Variants in LRRC37A2 observed in about 807,000 individuals in gnomAD.
LRRC37A2 encodes the protein leucine rich repeat containing 37 member A2.
A neutral mutation model predicts 68.8 loss-of-function variants in LRRC37A2; 9 were observed. That is an observed-to-expected ratio of 0.13 (90% CI 0.08 to 0.23). The LOEUF is 0.23. LRRC37A2 is among the 10% of genes least tolerant of loss of function. LRRC37A2 has a pLI of 1.00. For synonymous variants in LRRC37A2, 63 were observed against 367.6 expected (o/e 0.17, Z 9.48); for missense variants, 168 against 950.4 (o/e 0.18, Z 10.82).
the LRRC37A2 span, among the ~76,000 whole-genome samples, chr17:46,870,038 A>G: frequency 6.6e-6 from 1 of 152,174 alleles, no homozygotes; most frequent in African/African-American, 2.4e-5. Context: ...CATATGACAT[A>G]TACTGTAGCT....
At chr17:46,691,725 G>A in the LRRC37A2 span, among the ~76,000 whole-genome samples, 1 of 151,582 alleles carries the variant, frequency 6.6e-6, no homozygotes, top group Admixed American at 6.6e-5. Flanking sequence ...TTTAGGTTAT[G>A]TTCATTTTTT....
the LRRC37A2 span, chr17:46,966,899 G>T: frequency 2.5e-6 from 1 of 396,872 alleles, no homozygotes; most frequent in Non-Finnish European, 4.4e-6. Context: ...CACCTTAAAG[G>T]GAAATCATTT....
the LRRC37A2 span, chr17:46,932,101 C>T: frequency 1.9e-6 from 3 of 1,613,430 alleles, no homozygotes; most frequent in Non-Finnish European, 2.5e-6. Context: ...TGTCCAGCAC[C>T]TGCAGACTGC....
the LRRC37A2 span, among the ~76,000 whole-genome samples, chr17:46,485,977 CAA>C: frequency 2.1e-3 from 75 of 35,754 alleles, 1 homozygote; most frequent in Non-Finnish European, 4.1e-3. Context: ...GACTCCGTCT[CAA>C]AAAAAAAAAA....
chr17:46,942,548 G>A, the LRRC37A2 span, among the ~76,000 whole-genome samples: 7 of 152,200 alleles, frequency 4.6e-5, no homozygotes, highest in African/African-American at 1.4e-4. Context: ...GTGTGCAGGG[G>A]ACTGAGATGG....
the LRRC37A2 span, among the ~76,000 whole-genome samples, chr17:46,757,763 G>A: frequency 6.6e-6 from 1 of 152,028 alleles, no homozygotes. Flanking sequence ...GGAGGCTGAG[G>A]TGGGTGGATC....
At chr17:46,728,875 C>A in the LRRC37A2 span, 2 of 1,608,704 alleles carry the variant, frequency 1.2e-6, no homozygotes, top group East Asian at 2.2e-5. Flanking sequence ...TATTGGCCCT[C>A]GATTTTCAAA....
the LRRC37A2 span, among the ~76,000 whole-genome samples, chr17:46,880,492 C>G: frequency 6.6e-6 from 1 of 152,202 alleles, no homozygotes; most frequent in Non-Finnish European, 1.5e-5. Context: ...AAGTCTCTGC[C>G]TCATGGGGCT....
chr17:46,919,220 TC>T, the LRRC37A2 span, among the ~76,000 whole-genome samples: 2 of 152,190 alleles, frequency 1.3e-5, no homozygotes, highest in African/African-American at 4.8e-5. Context: ...ATGGACTAAG[TC>T]AAGTGGACTC....
the LRRC37A2 span, among the ~76,000 whole-genome samples, chr17:46,835,549 T>C: frequency 1.3e-5 from 2 of 152,276 alleles, no homozygotes; most frequent in Admixed American, 1.3e-4. Context: ...CATGAGTTAA[T>C]CTCTTAGGTC....
chr17:46,970,268 C>T, the LRRC37A2 span, among the ~76,000 whole-genome samples: 2 of 152,138 alleles, frequency 1.3e-5, no homozygotes, highest in African/African-American at 2.4e-5. Context: ...AGACCAGCCG[C>T]GGTGGCTCAC....
the LRRC37A2 span, among the ~76,000 whole-genome samples, chr17:46,751,953 CAGTG>C: frequency 1.4e-4 from 21 of 152,184 alleles, no homozygotes; most frequent in African/African-American, 5.1e-4. Context: ...CACAGGCTGT[CAGTG>C]AATTATCCAA....
chr17:46,751,530 C>T, the LRRC37A2 span: 7 of 1,613,882 alleles, frequency 4.3e-6, no homozygotes, highest in African/African-American at 2.7e-5. Context: ...GGATAAGGAA[C>T]GCACCACAAT....
the LRRC37A2 span, among the ~76,000 whole-genome samples, chr17:46,784,913 C>T: frequency 3.9e-5 from 6 of 152,016 alleles, no homozygotes; most frequent in South Asian, 1.0e-3. Flanking sequence ...GTAGCTGGGA[C>T]TACAGGCACC....
At chr17:46,944,017 G>C in the LRRC37A2 span, among the ~76,000 whole-genome samples, 7 of 152,232 alleles carry the variant, frequency 4.6e-5, no homozygotes, top group East Asian at 1.2e-3. Flanking sequence ...AATTCCATTA[G>C]TGTGGTTCCA....
the LRRC37A2 span, among the ~76,000 whole-genome samples, chr17:46,777,311 G>A: frequency 9.4e-4 from 143 of 152,384 alleles, 2 homozygotes; most frequent in Middle Eastern, 0.024. Flanking sequence ...CGGCTGGCTT[G>A]GGGGACTGAG....
chr17:46,681,614 A>G, the LRRC37A2 span, among the ~76,000 whole-genome samples: 133 of 149,804 alleles, frequency 8.9e-4, 2 homozygotes, highest in African/African-American at 3.2e-3. Flanking sequence ...ACCATTTAAA[A>G]TTTTTGTTGA....
chr17:46,738,756 A>G, the LRRC37A2 span, among the ~76,000 whole-genome samples: 1 of 152,244 alleles, frequency 6.6e-6, no homozygotes. Context: ...TTCATCTGCT[A>G]TAAATTAAGG....
At chr17:46,773,232 G>T in the LRRC37A2 span, among the ~76,000 whole-genome samples, 1 of 152,108 alleles carries the variant, frequency 6.6e-6, no homozygotes, top group African/African-American at 2.4e-5. Flanking sequence ...AGGGGCTCTT[G>T]GGGGCAACGC....
Sources: allele counts gnomAD v4.1 joint callset (sites outside exome capture counted in the v4.1 genomes callset), GRCh38; gene constraint gnomAD v4.1.1; transcripts MANE v1.5; gene names NCBI Gene and HGNC (gene_info 2026-07-23, HGNC 2026-07-21).